Variants in SORCS1 observed in about 807,000 individuals in gnomAD.
SORCS1 encodes the protein sortilin related VPS10 domain containing receptor 1.
SORCS1 carries 60 observed loss-of-function variants against 146.1 expected under a neutral mutation model. That is an observed-to-expected ratio of 0.41 (90% CI 0.33 to 0.51). The LOEUF (loss-of-function observed/expected upper bound fraction) is 0.51. Among genes scored for constraint, SORCS1 ranks in the 20% least tolerant of loss-of-function variants. The probability of loss-of-function intolerance (pLI) is 0.21; values close to 1 mark genes in which losing one functional copy is unlikely to be tolerated. For synonymous variants in SORCS1, 637 were observed against 584.0 expected (o/e 1.09, Z -1.31); for missense variants, 1,352 against 1,487.6 (o/e 0.91, Z 1.50).
At position 106,889,798 on chromosome 10, in the gene SORCS1, T is replaced by C. The variant is rs550022316; in HGVS notation, c.627-60125A>G. ...TACTCGGGAGGCTGAGGCAGCAGAA[T>C]AGCGTGAACCCGGGAGGCGGAGCTT... On this transcript the variant is annotated intron_variant, in intron 2 of 25. Coordinates refer to ENST00000263054, the MANE Select transcript of SORCS1 (RefSeq NM_052918.5). Among the ~76,000 whole-genome samples, 6 of 146,412 alleles carry C rather than the reference T, an allele frequency of 4.1e-5. No homozygotes were observed. The South Asian group carries it at 1.3e-3, about 32-fold the overall frequency.
At chr10:106,759,009 G>C (rs1358871041) in intron 5 of SORCS1, among the ~76,000 whole-genome samples, 2 of 152,226 alleles carry the variant, frequency 1.3e-5, no homozygotes, top group African/African-American at 4.8e-5. Flanking sequence ...CAAATAGCTT[G>C]TCTAACTTTT....
the SORCS1 span, among the ~76,000 whole-genome samples, chr10:107,178,754 C>T: frequency 4.0e-3 from 605 of 152,194 alleles, 3 homozygotes; most frequent in African/African-American, 0.014. Flanking sequence ...TCCCAAAGTG[C>T]TGGGATTACA....
intron 16 of SORCS1, 106 bp downstream of exon 16, chr10:106,671,131 C>T (rs553443517): frequency 3.4e-6 from 5 of 1,462,958 alleles, no homozygotes; most frequent in African/African-American, 1.4e-5. Context: ...TGAAGCTGGC[C>T]ACTTAGCCCT....
chr10:106,956,108 A>G (rs2138985114), intron 2 of SORCS1, among the ~76,000 whole-genome samples: 1 of 151,972 alleles, frequency 6.6e-6, no homozygotes, highest in African/African-American at 2.4e-5. Context: ...CAGCCTGGGC[A>G]ACAAGACCAA....
rs563414871 is a variant in SORCS1 at position 107,141,548 on chromosome 10, T to C, written c.558+22421A>G. Among the ~76,000 whole-genome samples, 4 of 152,318 alleles carry C rather than the reference T, an allele frequency of 2.6e-5. No individual in the cohort carries two copies. In the East Asian group the frequency reaches 7.7e-4, roughly 29 times the overall value. On this transcript the variant is annotated intron_variant, in intron 1 of 25. Transcript: ENST00000263054. Reference sequence around the variant, plus strand: ...CTGGCTCAAAATTGTTCCTGGCTCATTATCATGTAATAAAAAGAAGTTATT... The same window carrying C: ...CTGGCTCAAAATTGTTCCTGGCTCACTATCATGTAATAAAAAGAAGTTATT...
chr10:106,701,817 G>C (rs1324867582), intron 8 of SORCS1, among the ~76,000 whole-genome samples: 1 of 152,208 alleles, frequency 6.6e-6, no homozygotes, highest in Non-Finnish European at 1.5e-5. Flanking sequence ...ACAAAATAGA[G>C]ACAAGGATAA....
chr10:106,731,976 A>C lies in SORCS1; in HGVS notation c.960-1862T>G, dbSNP rs528678791. ...CTATAAAGGTCTGCGGGTTTTCTGA[A>C]GTAAGTACATTAATCATTGTCCTAG... On this transcript the variant is annotated intron_variant, in intron 5 of 25. Coordinates refer to ENST00000263054, the MANE Select transcript of SORCS1 (RefSeq NM_052918.5). 2.8e-4 allele frequency among the ~76,000 whole-genome samples: 41 copies of C among 147,228 alleles called. No individual in the cohort carries two copies. The South Asian group carries it at 8.0e-3, about 29-fold the overall frequency.
chr10:106,933,369 C>A (rs529976541), intron 2 of SORCS1, among the ~76,000 whole-genome samples: 3 of 152,258 alleles, frequency 2.0e-5, no homozygotes, highest in South Asian at 4.1e-4. Flanking sequence ...TTTAAAATGT[C>A]CCCCAGAAGA....
intron 21 of SORCS1, among the ~76,000 whole-genome samples, chr10:106,614,528 C>A (rs1885354): frequency 6.6e-6 from 1 of 152,246 alleles, no homozygotes. Flanking sequence ...ATGAAATGCA[C>A]GTTAACTAAA....
intron 1 of SORCS1, among the ~76,000 whole-genome samples, chr10:107,009,868 T>C (rs1210721381): frequency 6.6e-6 from 1 of 152,104 alleles, no homozygotes; most frequent in Non-Finnish European, 1.5e-5. Context: ...AGACAATACG[T>C]AATATAAGTA....
intron 5 of SORCS1, among the ~76,000 whole-genome samples, chr10:106,740,413 G>A (rs1228121605): frequency 6.6e-6 from 1 of 152,094 alleles, no homozygotes; most frequent in African/African-American, 2.4e-5. Flanking sequence ...TTTTGAATAT[G>A]TTTACTGAGT....
At chr10:106,600,963 G>A (rs891537096) in intron 23 of SORCS1, among the ~76,000 whole-genome samples, 5 of 152,170 alleles carry the variant, frequency 3.3e-5, no homozygotes, top group Non-Finnish European at 5.9e-5. Context: ...TGAAGCACCC[G>A]AAGTTAAAAC....
At chr10:106,922,082 A>G (rs1034454489) in intron 2 of SORCS1, among the ~76,000 whole-genome samples, 6 of 152,240 alleles carry the variant, frequency 3.9e-5, no homozygotes, top group Admixed American at 2.6e-4. Flanking sequence ...GTAAATGGAC[A>G]GTCTTATTGA....
chr10:106,892,086 A>G (rs1951259375), intron 2 of SORCS1, among the ~76,000 whole-genome samples: 1 of 152,172 alleles, frequency 6.6e-6, no homozygotes, highest in Non-Finnish European at 1.5e-5. Flanking sequence ...CATGTCTCAG[A>G]GCAAAGGTTC....
At chr10:107,118,145 G>C (rs969903362) in intron 1 of SORCS1, among the ~76,000 whole-genome samples, 1 of 152,016 alleles carries the variant, frequency 6.6e-6, no homozygotes, top group East Asian at 1.9e-4. Context: ...TCATGAATGG[G>C]ATTAATGTCC....
chr10:106,932,304 G>T (rs147652336), intron 2 of SORCS1, among the ~76,000 whole-genome samples: 1 of 152,190 alleles, frequency 6.6e-6, no homozygotes, highest in South Asian at 2.1e-4. Context: ...ATTGTCTTGA[G>T]TAAAAATAAC....
In SORCS1 at chr10:107,164,311, G is replaced by A. The variant is rs775319854; in HGVS notation, c.216C>T (p.Leu72=). 9 of 1,574,602 alleles carry A rather than the reference G, an allele frequency of 5.7e-6. No homozygotes were observed. The highest frequency in any genetic ancestry group is 7.7e-6 in the Non-Finnish European group (9 of 1,164,504). ...CCACTGAGAACAGGGGACGCACTACGAGGGGCAGGGGCGTGGCAGGAGCCC... is the reference window on the plus strand; with the variant it reads ...CCACTGAGAACAGGGGACGCACTACAAGGGGCAGGGGCGTGGCAGGAGCCC... ...PGRAPATPLP[L]VVRPLFSVAP... is the part of the protein sequence containing the mutation. The change falls in exon 1 of 26, where the codon CTC becomes CTT. Residue 72 remains leucine (L), a synonymous_variant. Transcript: ENST00000263054. The surrounding 1 kb of genome is among the most constrained non-coding windows in gnomAD (Gnocchi z 6.8).
Position 106,574,504 on chromosome 10 carries a change from A to G in SORCS1, c.*2916T>C, listed in dbSNP as rs2133167237. The G allele has an allele frequency of 6.5e-6, 1 of 152,688 alleles. No individual in the cohort carries two copies. The highest frequency in any genetic ancestry group is 3.4e-3 in the Middle Eastern group (1 of 294). 9.5% of individuals were successfully genotyped at this position (152,688 alleles called of 1,614,324 possible). A position where few individuals can be genotyped will look rare whatever the true frequency, so the allele number is the denominator to read the frequency against. The stretch of plus-strand genomic sequence containing the variant: ...GCCTTCTGTTTGAGATTCAGCTGGA[A>G]TGGCCTAGTACAATGGTTCTCAAAC... On this transcript the variant is annotated 3_prime_UTR_variant, in exon 26 of 26. Coordinates refer to ENST00000263054, the MANE Select transcript of SORCS1 (RefSeq NM_052918.5).
the SORCS1 span, among the ~76,000 whole-genome samples, chr10:107,171,016 G>GT: frequency 2.6e-5 from 4 of 152,200 alleles, no homozygotes; most frequent in Non-Finnish European, 5.9e-5. Flanking sequence ...CAAAATGTAG[G>GT]TTATATCACC....
Sources: allele counts gnomAD v4.1 joint callset (sites outside exome capture counted in the v4.1 genomes callset), GRCh38; gene constraint gnomAD v4.1.1; non-coding constraint Gnocchi (gnomAD v3.1); transcripts MANE v1.5; gene names NCBI Gene and HGNC (gene_info 2026-07-23, HGNC 2026-07-21).